The following TMEM47 variants were observed in gnomAD, a reference collection of about 807,000 sequenced individuals.
TMEM47 encodes brain cell membrane protein 1.
In TMEM47, 3 loss-of-function variants were observed where a neutral mutation model predicts 12.4. The observed-to-expected ratio is 0.24, with a 90% CI of 0.11 to 0.63. The LOEUF (loss-of-function observed/expected upper bound fraction) is 0.63, where lower values mean the gene tolerates loss of function less well. TMEM47 is among the 20% of genes least tolerant of loss of function. TMEM47 has a pLI of 0.86. For missense variants in TMEM47, 89 were observed against 143.8 expected (o/e 0.62, Z 1.95); for synonymous variants, 62 against 63.3 (o/e 0.98, Z 0.10).
Position 34,649,379 on chromosome X carries a change from C to T in TMEM47, c.226+7425G>A, listed in dbSNP as rs72626899. ...AATACTATGCAGCCAGAAAAAAAAC[C>T]GAGGTCATGCATATTGTGGGAACAT... On this transcript the variant is annotated intron_variant, in intron 1 of 2. Transcript: ENST00000275954. Among the ~76,000 whole-genome samples the T allele has an allele frequency of 1.0e-3, 112 of 111,310 alleles. 1 individual carries two copies. The East Asian group carries it at 0.02, about 20-fold the overall frequency.
chrX:34,644,381 C>T (rs1161003549), intron 1 of TMEM47, among the ~76,000 whole-genome samples: 1 of 112,290 alleles, frequency 8.9e-6, no homozygotes, highest in South Asian at 3.6e-4. Context: ...ATTCTATGGA[C>T]CACATTATAA....
chrX:34,644,714 G>A (rs1339652623), intron 1 of TMEM47, among the ~76,000 whole-genome samples: 2 of 111,786 alleles, frequency 1.8e-5, no homozygotes, highest in Admixed American at 1.9e-4. Flanking sequence ...GGAAAAACAA[G>A]TTTTTAACCT....
chrX:34,630,190 A>T lies in TMEM47; in HGVS notation c.*123T>A. 2.7e-6 allele frequency: 2 copies of T among 732,494 alleles called. No individual in the cohort carries two copies. Among genetic ancestry groups the T allele is most frequent in the South Asian group, 4.9e-5 (1 of 20,464 alleles). The allele number at this position is 732,494 out of a possible 1,213,427, so 60.4% of individuals were successfully genotyped here. ...TGACAGCCAAAAGGCAAAAAAGATT[A>T]AATCAACTGAGCAAACTGCTTGATG... On this transcript the variant is annotated 3_prime_UTR_variant, in exon 3 of 3. Coordinates refer to ENST00000275954, the MANE Select transcript of TMEM47 (RefSeq NM_031442.4).
At position 34,629,548 on chromosome X, in the gene TMEM47, G is replaced by T. The variant is rs1482820588; in HGVS notation, c.*765C>A. 1 of 111,579 alleles carries T rather than the reference G, an allele frequency of 9.0e-6. No individual in the cohort carries two copies. Among genetic ancestry groups the T allele is most frequent in the East Asian group, 2.8e-4 (1 of 3,531 alleles). 9.2% of individuals were successfully genotyped at this position (111,579 alleles called of 1,213,427 possible). A position where few individuals can be genotyped will look rare whatever the true frequency, so the allele number is the denominator to read the frequency against. On this transcript the variant is annotated 3_prime_UTR_variant, in exon 3 of 3. Transcript: ENST00000275954. ...CATACGCACACTTGTTTGCTGCAAT[G>T]TTTGGCAAATGATTTAAAGGGTACA...
At chrX:34,634,804 T>C (rs1014324655) in intron 2 of TMEM47, among the ~76,000 whole-genome samples, 1 of 111,918 alleles carries the variant, frequency 8.9e-6, no homozygotes, top group African/African-American at 3.2e-5. Context: ...GCATATTCTA[T>C]AGTGCTTACA....
intron 1 of TMEM47, among the ~76,000 whole-genome samples, chrX:34,647,499 T>G (rs1921934762): frequency 9.0e-6 from 1 of 111,568 alleles, no homozygotes. Context: ...TCTCACTTCT[T>G]TGGAAGACCA....
chrX:34,656,141 G>A (rs1808505502), intron 1 of TMEM47, among the ~76,000 whole-genome samples: 1 of 111,527 alleles, frequency 9.0e-6, no homozygotes, highest in Non-Finnish European at 1.9e-5. Flanking sequence ...AAGGTCTGGA[G>A]GAGAGAAGAG....
intron 2 of TMEM47, among the ~76,000 whole-genome samples, chrX:34,636,874 A>C (rs188910932): frequency 1.8e-5 from 2 of 111,633 alleles, no homozygotes; most frequent in African/African-American, 6.5e-5. Context: ...CTGATTCTGC[A>C]CTGATTTTTC....
intron 1 of TMEM47, among the ~76,000 whole-genome samples, chrX:34,651,412 T>C (rs1400510091): frequency 1.8e-5 from 2 of 112,121 alleles, no homozygotes; most frequent in Non-Finnish European, 3.8e-5. Flanking sequence ...GTGCCAAACC[T>C]GTGAGCGAAA....
chrX:34,636,063 T>C (rs950403084), intron 2 of TMEM47, among the ~76,000 whole-genome samples: 1 of 112,262 alleles, frequency 8.9e-6, no homozygotes, highest in Non-Finnish European at 1.9e-5. Flanking sequence ...ATACTGTAAA[T>C]TGTTCTAGCC....
Position 34,630,368 on chromosome X carries a change from A to T in TMEM47, c.491T>A (p.Phe164Tyr), listed in dbSNP as rs773491398. 8 of 1,210,446 alleles carry T rather than the reference A, an allele frequency of 6.6e-6. No homozygotes were observed. Among genetic ancestry groups the T allele is most frequent in the Non-Finnish European group, 8.9e-6 (8 of 894,856 alleles). Residue 164 changes from phenylalanine (F) to tyrosine (Y), a missense_variant, in exon 3 of 3, where the codon TTT (phenylalanine) becomes TAT (tyrosine). Physicochemically the swap from Phe to Tyr is conservative, Grantham distance 22. Transcript: ENST00000275954. ...CAGGCAATAAAGGATGGCACCCCCA[A>T]ACGAAAATATAGTTGCACCCCAGGC... ...GLAWGATIFS[F>Y]GGAILYCLNP...
At chrX:34,632,411 T>C (rs1921643378) in intron 2 of TMEM47, among the ~76,000 whole-genome samples, 1 of 111,746 alleles carries the variant, frequency 8.9e-6, no homozygotes, top group African/African-American at 3.3e-5. Flanking sequence ...TGTAAAAGAT[T>C]ATTACCAGTA....
rs773278552 is a variant in TMEM47 at position 34,644,432 on chromosome X, G to A, written c.227-5045C>T. 8.5e-4 allele frequency among the ~76,000 whole-genome samples: 95 copies of A among 112,275 alleles called. 1 individual carries two copies. The highest frequency in any genetic ancestry group is 3.0e-3 in the African/African-American group (93 of 30,978). On this transcript the variant is annotated intron_variant, in intron 1 of 2. Coordinates refer to ENST00000275954, the MANE Select transcript of TMEM47 (RefSeq NM_031442.4). Reference sequence around the variant, plus strand: ...ATTATCATTCCCTTAGGGAATTCATGATCAAAAGTCACTTCCAATTTTCAG... The same window carrying A: ...ATTATCATTCCCTTAGGGAATTCATAATCAAAAGTCACTTCCAATTTTCAG...
intron 1 of TMEM47, among the ~76,000 whole-genome samples, chrX:34,650,120 G>T (rs1419410430): frequency 8.9e-6 from 1 of 111,894 alleles, no homozygotes; most frequent in African/African-American, 3.3e-5. Context: ...TAAATTTGAT[G>T]GTAATAAACA....
rs751284785 is a variant in TMEM47 at position 34,630,039 on chromosome X, T to C, written c.*274A>G. On this transcript the variant is annotated 3_prime_UTR_variant, in exon 3 of 3. Transcript: ENST00000275954. ...GTTTCTCACAATGGTTGCTGTCATA[T>C]AGACCCTTCATTTGTCAAGAAAAAC... 13 of 243,285 alleles carry C rather than the reference T, an allele frequency of 5.3e-5. No homozygotes were observed. In the South Asian group the frequency reaches 1.6e-3, roughly 30 times the overall value. 20.0% of individuals were successfully genotyped at this position (243,285 alleles called of 1,213,427 possible).
chrX:34,641,968 T>A (rs759462517), intron 1 of TMEM47, among the ~76,000 whole-genome samples: 2 of 112,765 alleles, frequency 1.8e-5, no homozygotes, highest in African/African-American at 6.4e-5. Context: ...GTGATTCTCA[T>A]GCCTCAGCCT....
chrX:34,644,397 C>T (rs1921873390), intron 1 of TMEM47, among the ~76,000 whole-genome samples: 1 of 112,307 alleles, frequency 8.9e-6, no homozygotes, highest in East Asian at 2.8e-4. Context: ...TATAACTGTC[C>T]AATTGGAGAA....
intron 1 of TMEM47, among the ~76,000 whole-genome samples, chrX:34,643,318 A>T (rs1227443632): frequency 2.7e-5 from 3 of 111,117 alleles, no homozygotes; most frequent in Non-Finnish European, 3.8e-5. Flanking sequence ...CCAATACTAG[A>T]TTTAGCAAGA....
At chrX:34,632,729 T>C (rs1193471005) in intron 2 of TMEM47, among the ~76,000 whole-genome samples, 1 of 111,607 alleles carries the variant, frequency 9.0e-6, no homozygotes, top group Non-Finnish European at 1.9e-5. Context: ...AAGGTTTTGG[T>C]TGTTGTTAGG....
Sources: gnomAD v4.1 joint callset for allele counts (sites outside exome capture counted in the v4.1 genomes callset) on GRCh38, gnomAD v4.1.1 for gene constraint, MANE v1.5 for transcripts, NCBI Gene and HGNC (gene_info 2026-07-23, HGNC 2026-07-21) for gene names.